The following FNDC3B variants were observed in gnomAD, a reference collection of about 807,000 sequenced individuals.
FNDC3B encodes fibronectin type III domain-containing protein 3B.
FNDC3B carries 12 observed loss-of-function variants against 151.5 expected under a neutral mutation model. The ratio of observed to expected loss-of-function variants is 0.08; its 90% CI spans 0.05 to 0.13. The LOEUF is 0.13. Ranked by LOEUF, FNDC3B falls within the 10% of genes least tolerant of loss-of-function variation. The pLI, the probability that FNDC3B is intolerant of heterozygous loss-of-function variation, is 1.00. For synonymous variants in FNDC3B, 528 were observed against 549.0 expected (o/e 0.96, Z 0.54); for missense variants, 1,214 against 1,505.3 (o/e 0.81, Z 3.20).
chr3:172,379,217 A>G (rs1396306253), intron 24 of FNDC3B, among the ~76,000 whole-genome samples: 1 of 152,214 alleles, frequency 6.6e-6, no homozygotes, highest in Non-Finnish European at 1.5e-5. Context: ...GCCCTGCCTC[A>G]TCTCCTGCAA....
intron 3 of FNDC3B, among the ~76,000 whole-genome samples, chr3:172,216,949 A>T (rs1454337760): frequency 6.6e-6 from 1 of 152,200 alleles, no homozygotes; most frequent in Non-Finnish European, 1.5e-5. Flanking sequence ...CCAAATGCTC[A>T]TGCTGCTTGA....
At chr3:172,131,528 A>G (rs908321217) in intron 2 of FNDC3B, among the ~76,000 whole-genome samples, 7 of 152,220 alleles carry the variant, frequency 4.6e-5, no homozygotes, top group Non-Finnish European at 1.0e-4. Flanking sequence ...GATTATCTAC[A>G]GTTATTATAT....
intron 6 of FNDC3B, among the ~76,000 whole-genome samples, chr3:172,283,956 C>T (rs761421832): frequency 6.6e-6 from 1 of 152,078 alleles, no homozygotes; most frequent in Non-Finnish European, 1.5e-5. Flanking sequence ...ATATTACCAC[C>T]AGCCCATTTG....
intron 12 of FNDC3B, chr3:172,330,241 A>G (rs539133359): frequency 4.8e-4 from 113 of 233,726 alleles, no homozygotes; most frequent in African/African-American, 2.5e-3. Flanking sequence ...ATAATATCCA[A>G]TATAATGCCC....
intron 23 of FNDC3B, among the ~76,000 whole-genome samples, chr3:172,377,898 A>T (rs949120452): frequency 6.6e-6 from 1 of 152,202 alleles, no homozygotes; most frequent in Non-Finnish European, 1.5e-5. Flanking sequence ...CATTAACTTC[A>T]TTGCCTAGTA....
intron 2 of FNDC3B, among the ~76,000 whole-genome samples, chr3:172,128,878 T>C (rs1042621756): frequency 2.0e-5 from 3 of 152,024 alleles, no homozygotes; most frequent in Non-Finnish European, 4.4e-5. Context: ...TCTGGTATGG[T>C]TTATATCTTG....
At chr3:172,144,973 T>G (rs570110729) in intron 3 of FNDC3B, among the ~76,000 whole-genome samples, 53 of 152,070 alleles carry the variant, frequency 3.5e-4, no homozygotes, top group African/African-American at 1.3e-3. Flanking sequence ...ATTTCTTGTG[T>G]GGTTGGATAG....
At chr3:172,234,651 A>G (rs1379435939) in intron 4 of FNDC3B, among the ~76,000 whole-genome samples, 1 of 152,204 alleles carries the variant, frequency 6.6e-6, no homozygotes, top group Non-Finnish European at 1.5e-5. Context: ...CTATACAAAA[A>G]TGATAATTGA....
intron 3 of FNDC3B, among the ~76,000 whole-genome samples, chr3:172,209,428 C>T (rs973187345): frequency 5.9e-5 from 9 of 152,056 alleles, no homozygotes; most frequent in Admixed American, 1.3e-4. Flanking sequence ...TGAGCAAGGC[C>T]GAGAGGAGCT....
intron 3 of FNDC3B, among the ~76,000 whole-genome samples, chr3:172,215,776 C>A (rs1383376644): frequency 1.3e-5 from 2 of 152,172 alleles, no homozygotes; most frequent in African/African-American, 4.8e-5. Flanking sequence ...CTTGCATCGA[C>A]TTTTAATGAG....
intron 6 of FNDC3B, among the ~76,000 whole-genome samples, chr3:172,252,788 T>C (rs1728151493): frequency 6.6e-6 from 1 of 152,178 alleles, no homozygotes; most frequent in South Asian, 2.1e-4. Context: ...CTTTTCTCTA[T>C]TTTCCAAACT....
At position 172,363,829 on chromosome 3, in the gene FNDC3B, C is replaced by T. The variant is rs59266663; in HGVS notation, c.3008+984C>T. Among the ~76,000 whole-genome samples, 1,071 of 152,288 alleles carry T rather than the reference C, an allele frequency of 7.0e-3. 10 individuals are homozygous for T. Among genetic ancestry groups the T allele is most frequent in the African/African-American group, 0.025 (1,020 of 41,538 alleles). On this transcript the variant is annotated intron_variant, in intron 23 of 25. Transcript: ENST00000415807. ...CAGTGGAGACCAAGATTAGAAATCACATAAGACCCTACCTCTAGAAGCATA... is the reference window on the plus strand; with the variant it reads ...CAGTGGAGACCAAGATTAGAAATCATATAAGACCCTACCTCTAGAAGCATA...
At chr3:172,149,664 T>C (rs1286740069) in intron 3 of FNDC3B, among the ~76,000 whole-genome samples, 1 of 152,120 alleles carries the variant, frequency 6.6e-6, no homozygotes, top group African/African-American at 2.4e-5. Flanking sequence ...CTTTAGGTCC[T>C]ACATAAATTT....
chr3:172,347,509 T>A, intron 21 of FNDC3B, 148 bp downstream of exon 21: 1 of 533,574 alleles, frequency 1.9e-6, no homozygotes, highest in Non-Finnish European at 3.0e-6. Context: ...TATATTTGGT[T>A]GTTTTGGTGT....
intron 9 of FNDC3B, among the ~76,000 whole-genome samples, chr3:172,300,899 G>A (rs1730878285): frequency 6.6e-6 from 1 of 152,090 alleles, no homozygotes; most frequent in Non-Finnish European, 1.5e-5. Flanking sequence ...TAGATCATAC[G>A]TTCTTTTTCC....
At chr3:172,301,669 G>A (rs1730916217) in intron 9 of FNDC3B, 1 of 152,318 alleles carries the variant, frequency 6.6e-6, no homozygotes, top group Non-Finnish European at 1.5e-5. Context: ...GACTAGCCCA[G>A]GCAACATAAT....
intron 4 of FNDC3B, among the ~76,000 whole-genome samples, chr3:172,246,678 G>C (rs529278610): frequency 1.3e-4 from 20 of 152,218 alleles, no homozygotes; most frequent in Non-Finnish European, 2.6e-4. Flanking sequence ...CTTGAGGCCA[G>C]TTCAAGGCTG....
chr3:172,097,163 G>A (rs533752764), intron 1 of FNDC3B, among the ~76,000 whole-genome samples: 1 of 152,322 alleles, frequency 6.6e-6, no homozygotes, highest in South Asian at 2.1e-4. Flanking sequence ...GCAGTTGGAA[G>A]AGGATTTTAT....
At position 172,039,586 on chromosome 3, in the gene FNDC3B, G is replaced by C. The variant is rs1715908219; in HGVS notation, c.-214G>C. On this transcript the variant is annotated 5_prime_UTR_variant, in exon 1 of 26. The change abolishes an upstream ATG in the 5' untranslated region. Coordinates refer to ENST00000415807, the MANE Select transcript of FNDC3B (RefSeq NM_022763.4). The stretch of plus-strand genomic sequence containing the variant: ...CATGTGGTCCCGACATCATTGACAT[G>C]GCGGAATCCCCCATCAAACCCTCCT... 6.5e-6 allele frequency: 1 copy of C among 153,938 alleles called. No homozygotes were observed. The highest frequency in any genetic ancestry group is 1.7e-4 in the South Asian group (1 of 5,848). The allele number at this position is 153,938 out of a possible 1,614,324, so 9.5% of individuals were successfully genotyped here.
Sources: allele counts gnomAD v4.1 joint callset (sites outside exome capture counted in the v4.1 genomes callset), GRCh38; gene constraint gnomAD v4.1.1; transcripts MANE v1.5; gene names NCBI Gene and HGNC (gene_info 2026-07-23, HGNC 2026-07-21).